The following APBB2 variants were observed in gnomAD, a reference collection of about 807,000 sequenced individuals.
APBB2 encodes the protein Fe65-like 1.
APBB2 carries 38 observed loss-of-function variants against 82.5 expected under a neutral mutation model. The observed-to-expected ratio is 0.46, with a 90% confidence interval of 0.36 to 0.60. APBB2 has a LOEUF of 0.60. Ranked by LOEUF, APBB2 falls within the 20% of genes least tolerant of loss-of-function variation. The pLI is 0.00. For missense variants in APBB2, 772 were observed against 972.3 expected (o/e 0.79, Z 2.74); for synonymous variants, 341 against 368.2 (o/e 0.93, Z 0.85).
intron 1 of APBB2, among the ~76,000 whole-genome samples, chr4:41,149,839 G>A (rs950914702): frequency 6.6e-6 from 1 of 152,094 alleles, no homozygotes; most frequent in Admixed American, 6.5e-5. Flanking sequence ...AGATCTGATG[G>A]TTTTATAAAG....
chr4:40,845,588 C>CAAAAAAA (rs71198606), intron 12 of APBB2, among the ~76,000 whole-genome samples: 11 of 56,478 alleles, frequency 1.9e-4, no homozygotes, highest in African/African-American at 5.3e-4. Context: ...GGAAATTCCT[C>CAAAAAAA]AAAAAAAAAA....
At chr4:41,012,151 G>A (rs559368422) in intron 6 of APBB2, among the ~76,000 whole-genome samples, 8 of 152,326 alleles carry the variant, frequency 5.3e-5, no homozygotes, top group Non-Finnish European at 1.2e-4. Context: ...CACTGTGCCT[G>A]AACAAAACTT....
rs1348825110 is a variant in APBB2, at chr4:40,810,571, T to G, written c.*5521A>C. The G allele has an allele frequency of 2.8e-5, 3 of 107,416 alleles. No individual in the cohort carries two copies. In the Admixed American group the frequency reaches 3.1e-4, roughly 11 times the overall value. The allele number at this position is 107,416 out of a possible 1,614,324, so 6.7% of individuals were successfully genotyped here. A position where few individuals can be genotyped will look rare whatever the true frequency, so the allele number is the denominator to read the frequency against. ...CCAGCCTGGGAAGCAGAGTGAGACC[T>G]TGCCTCAAAAAAAAAAAAAAAAAAA... On this transcript the variant is annotated 3_prime_UTR_variant, in exon 18 of 18. Coordinates refer to ENST00000508593, the MANE Select transcript of APBB2 (RefSeq NM_004307.2).
At chr4:41,062,027 G>A (rs1730027015) in intron 4 of APBB2, among the ~76,000 whole-genome samples, 1 of 152,184 alleles carries the variant, frequency 6.6e-6, no homozygotes, top group Admixed American at 6.5e-5. Flanking sequence ...ACACAGGCCT[G>A]GTGAGCAGGC....
At chr4:41,149,127 T>C (rs1353270898) in intron 1 of APBB2, among the ~76,000 whole-genome samples, 1 of 152,182 alleles carries the variant, frequency 6.6e-6, no homozygotes, top group African/African-American at 2.4e-5. Context: ...TTACAATTTA[T>C]GTGTTTTGGC....
At chr4:41,168,786 A>AT (rs1300657252) in intron 1 of APBB2, among the ~76,000 whole-genome samples, 1 of 152,158 alleles carries the variant, frequency 6.6e-6, no homozygotes, top group African/African-American at 2.4e-5. Flanking sequence ...GTTGAGTGAA[A>AT]TTTTCTGTGA....
chr4:41,036,847 T>G lies in APBB2; in HGVS notation c.-50-3543A>C, dbSNP rs1056365563. 5.3e-5 allele frequency among the ~76,000 whole-genome samples: 8 copies of G among 152,322 alleles called. No homozygotes were observed. In the South Asian group the frequency reaches 1.0e-3, roughly 20 times the overall value. ...CACTTATATCCTTGATGAATGAATC[T>G]CATCTAATTAAAACAGTTTCTGAGA... is the stretch of plus-strand genomic sequence containing the variant. On this transcript the variant is annotated intron_variant, in intron 4 of 17. Transcript: ENST00000508593.
intron 2 of APBB2, among the ~76,000 whole-genome samples, chr4:41,104,691 C>T (rs79703909): frequency 0.038 from 5,803 of 152,216 alleles, 157 homozygotes; most frequent in Non-Finnish European, 0.059. Flanking sequence ...CTACTGTTTC[C>T]ATCTTTGTGT....
At chr4:41,078,053 T>G (rs144189086) in intron 3 of APBB2, among the ~76,000 whole-genome samples, 1 of 152,236 alleles carries the variant, frequency 6.6e-6, no homozygotes, top group Middle Eastern at 3.2e-3. Context: ...AACAGTATCC[T>G]GCATAGCTCA....
At chr4:41,015,166 T>C (rs1243092711) in intron 5 of APBB2, among the ~76,000 whole-genome samples, 1 of 152,238 alleles carries the variant, frequency 6.6e-6, no homozygotes, top group Non-Finnish European at 1.5e-5. Flanking sequence ...CTGTTTGCAG[T>C]CATCACATGC....
intron 12 of APBB2, among the ~76,000 whole-genome samples, chr4:40,873,827 C>T (rs1020366324): frequency 1.3e-5 from 2 of 152,164 alleles, no homozygotes; most frequent in Non-Finnish European, 2.9e-5. Flanking sequence ...GGGGAAAAAA[C>T]CCGCAAAATA....
At chr4:41,108,490 C>T (rs929442016) in intron 2 of APBB2, among the ~76,000 whole-genome samples, 3 of 152,092 alleles carry the variant, frequency 2.0e-5, no homozygotes, top group Non-Finnish European at 4.4e-5. Flanking sequence ...GTAAAAATTA[C>T]ACAGAAAAGT....
chr4:41,103,209 TA>T (rs1197723035), intron 2 of APBB2, among the ~76,000 whole-genome samples: 5 of 152,226 alleles, frequency 3.3e-5, no homozygotes, highest in African/African-American at 1.2e-4. Flanking sequence ...AGTTACATGA[TA>T]AATTTATTTA....
At chr4:41,000,986 C>G (rs1805061266) in intron 6 of APBB2, among the ~76,000 whole-genome samples, 1 of 152,226 alleles carries the variant, frequency 6.6e-6, no homozygotes, top group African/African-American at 2.4e-5. Flanking sequence ...GGAATAGCTT[C>G]TTTGTCCACA....
At chr4:40,983,751 T>C (rs1477221439) in intron 6 of APBB2, among the ~76,000 whole-genome samples, 1 of 152,160 alleles carries the variant, frequency 6.6e-6, no homozygotes, top group Admixed American at 6.5e-5. Context: ...CTAATTTTTG[T>C]ATTTTTGGTA....
chr4:40,908,511 A>G (rs1777679698), intron 10 of APBB2, among the ~76,000 whole-genome samples: 1 of 151,930 alleles, frequency 6.6e-6, no homozygotes, highest in South Asian at 2.1e-4. Flanking sequence ...CCCAGGCCAC[A>G]CCTATAATGC....
chr4:41,137,731 T>C (rs1428327545), intron 2 of APBB2, among the ~76,000 whole-genome samples: 1 of 152,140 alleles, frequency 6.6e-6, no homozygotes, highest in East Asian at 1.9e-4. Flanking sequence ...ATTGATTTTC[T>C]ACAAAAAAAG....
intron 6 of APBB2, among the ~76,000 whole-genome samples, chr4:40,948,890 C>CAAAAAAAAAAAAAAAAAAAAAA (rs59172492): frequency 3.0e-5 from 3 of 101,580 alleles, no homozygotes; most frequent in African/African-American, 8.1e-5. Flanking sequence ...ATCCTGTCTC[C>CAAAAAAAAAAAAAAAAAAAAAA]AAAAAAAAAA....
chr4:41,034,415 C>G (rs2074614918), intron 4 of APBB2, among the ~76,000 whole-genome samples: 1 of 152,202 alleles, frequency 6.6e-6, no homozygotes, highest in African/African-American at 2.4e-5. Context: ...ACCTCCACCT[C>G]CCGGGTTGAA....
Sources: allele counts gnomAD v4.1 joint callset (sites outside exome capture counted in the v4.1 genomes callset), GRCh38; gene constraint gnomAD v4.1.1; transcripts MANE v1.5; gene names NCBI Gene and HGNC (gene_info 2026-07-23, HGNC 2026-07-21).